The following KCND1 variants were observed in gnomAD, a reference collection of about 807,000 sequenced individuals.
The protein encoded by KCND1 is A-type voltage-gated potassium channel KCND1.
KCND1 carries 11 observed loss-of-function variants against 31.8 expected under a neutral mutation model. The ratio of observed to expected loss-of-function variants is 0.35; its 90% CI spans 0.22 to 0.57. KCND1 has a LOEUF of 0.57. Among genes scored for constraint, KCND1 ranks in the 20% least tolerant of loss-of-function variants. The probability of loss-of-function intolerance (pLI) is 0.85; values close to 1 mark genes in which losing one functional copy is unlikely to be tolerated. For synonymous variants in KCND1, 234 were observed against 248.1 expected, an observed-to-expected ratio of 0.94 and a Z score of 0.53; for missense variants, 471 against 596.8, an observed-to-expected ratio of 0.79 and a Z score of 2.20.
chrX:48,961,559 G>GGGAGGA lies in KCND1; in HGVS notation c.*1016_*1021dup, dbSNP rs1210552744. The stretch of plus-strand genomic sequence containing the variant: ...AGGAATATGTGAAAAGGAATTGTAG[G>GGGAGGA]GGAGGAGGAGGAGGAGAAGTTCCTC... On this transcript the variant is annotated 3_prime_UTR_variant, in exon 6 of 6. Coordinates refer to ENST00000218176, the MANE Select transcript of KCND1 (RefSeq NM_004979.6). 1 of 112,320 alleles carries GGGAGGA rather than the reference G, an allele frequency of 8.9e-6. No individual in the cohort carries two copies. The highest frequency in any genetic ancestry group is 3.2e-5 in the African/African-American group (1 of 30,942). 9.3% of individuals were successfully genotyped at this position (112,320 alleles called of 1,213,427 possible).
chrX:48,966,548 T>C, intron 4 of KCND1, 30 bp downstream of exon 4: 1 of 1,167,193 alleles, frequency 8.6e-7, no homozygotes. Flanking sequence ...CCCCCTCTAT[T>C]CTGCTATATC....
chrX:48,969,058 G>C (rs945432852), intron 1 of KCND1, 93 bp downstream of exon 1: 29 of 895,856 alleles, frequency 3.2e-5, no homozygotes, highest in Non-Finnish European at 4.3e-5. Flanking sequence ...CATTTAAAAA[G>C]AAAGAAAGAA....
rs782479699 is a variant in KCND1 at position 48,962,757 on chromosome X, C to T, written c.1768G>A (p.Asp590Asn). The change falls in exon 6 of 6, where the codon GAC becomes AAC. Residue 590 changes from aspartate (D) to asparagine (N), a missense_variant. Coordinates refer to ENST00000218176, the MANE Select transcript of KCND1 (RefSeq NM_004979.6). Reference protein sequence around the residue: ...KPHDSLDLNCDSRDFVAAIIS... With the variant: ...KPHDSLDLNCNSRDFVAAIIS... ...ATGGCAGCCACGAAGTCCCGGCTGT[C>T]GCAGTTCAGGTCAAGGCTGTCATGG... 1 of 1,210,796 alleles carries T rather than the reference C, an allele frequency of 8.3e-7. No homozygotes were observed. Among genetic ancestry groups the T allele is most frequent in the South Asian group, 1.8e-5 (1 of 56,820 alleles).
At chrX:48,967,157 T>C (rs1469600499) in intron 1 of KCND1, 51 bp from the exon 2 acceptor site, 5 of 1,057,467 alleles carry the variant, frequency 4.7e-6, no homozygotes, top group Non-Finnish European at 5.2e-6. Flanking sequence ...CACCTACCTT[T>C]CAGTCCCCCA....
rs1557058650 is a variant in KCND1 at position 48,969,918 on chromosome X, C to T, written c.354G>A (p.Leu118=). Residue 118 remains leucine, a synonymous_variant, in exon 1 of 6, where the codon CTG becomes CTA. Coordinates refer to ENST00000218176, the MANE Select transcript of KCND1 (RefSeq NM_004979.6). ...GCTCGGGAACCAGGCCGTAGAAAGCCAGCTCTTCGTCGAAGGCCTGGATGC... is the reference window on the plus strand; with the variant it reads ...GCTCGGGAACCAGGCCGTAGAAAGCTAGCTCTTCGTCGAAGGCCTGGATGC... ...QECIQAFDEE[L]AFYGLVPELV... The T allele has an allele frequency of 2.5e-6, 3 of 1,211,405 alleles. No homozygotes were observed. The highest frequency in any genetic ancestry group is 3.4e-6 in the Non-Finnish European group (3 of 895,288).
intron 1 of KCND1, among the ~76,000 whole-genome samples, chrX:48,968,872 G>A (rs1196093160): frequency 3.6e-5 from 4 of 111,544 alleles, no homozygotes; most frequent in African/African-American, 1.3e-4. Context: ...TGGCCAACGC[G>A]GTGAAACCCC....
At position 48,962,287 on chromosome X, in the gene KCND1, G is replaced by A. The variant is rs1375423960; in HGVS notation, c.*294C>T. ...AGCCCAAGGGGAGGAGCATGCAGGA[G>A]TCCAGCTGGGAGAGTGGGGCCAGTC... is the stretch of plus-strand genomic sequence containing the variant. On this transcript the variant is annotated 3_prime_UTR_variant, in exon 6 of 6. Transcript: ENST00000218176. 2 of 280,767 alleles carry A rather than the reference G, an allele frequency of 7.1e-6. No homozygotes were observed. The highest frequency in any genetic ancestry group is 5.4e-5 in the African/African-American group (2 of 36,854). The allele number at this position is 280,767 out of a possible 1,213,427, so 23.1% of individuals were successfully genotyped here. A position where few individuals can be genotyped will look rare whatever the true frequency, so the allele number is the denominator to read the frequency against.
At position 48,966,566 on chromosome X, in the gene KCND1, A is replaced by C. The variant is rs1557058045; in HGVS notation, c.1467+12T>G. 1 of 1,200,993 alleles carries C rather than the reference A, an allele frequency of 8.3e-7. No individual in the cohort carries two copies. Among genetic ancestry groups the C allele is most frequent in the Admixed American group, 2.2e-5 (1 of 45,802 alleles). On this transcript the variant is annotated intron_variant, in intron 4 of 5. Coordinates refer to ENST00000218176, the MANE Select transcript of KCND1 (RefSeq NM_004979.6). ...CCTCTATTCTGCTATATCACCTCAC[A>C]TTAGGCCTCACCGTTGTCTTCTCTA...
intron 5 of KCND1, 28 bp from the exon 6 acceptor site, chrX:48,962,834 G>A (rs2064330849): frequency 8.6e-7 from 1 of 1,165,622 alleles, no homozygotes; most frequent in African/African-American, 1.8e-5. Flanking sequence ...GAAGATGGAA[G>A]GCTCTTAAAA....
intron 5 of KCND1, among the ~76,000 whole-genome samples, chrX:48,965,011 G>A (rs1255480968): frequency 1.8e-4 from 3 of 16,936 alleles, no homozygotes; most frequent in Admixed American, 1.2e-3. Flanking sequence ...ACAAGACTCC[G>A]TCTAAAAAAA....
In KCND1 at chrX:48,969,321, G is replaced by A. The variant is rs782749393; in HGVS notation, c.951C>T (p.Tyr317=). The A allele has an allele frequency of 1.7e-6, 2 of 1,209,029 alleles. No individual in the cohort carries two copies. The highest frequency in any genetic ancestry group is 2.2e-6 in the Non-Finnish European group (2 of 894,636). Residue 317 remains tyrosine (Y), a synonymous_variant, in exon 1 of 6, where the codon TAC becomes TAT. Coordinates refer to ENST00000218176, the MANE Select transcript of KCND1 (RefSeq NM_004979.6). ...GCTCAGAGGCACAGCTCTTGAGTGTGTAGCCCAGAATCCTCAAGCCCTGTG... is the reference window on the plus strand; with the variant it reads ...GCTCAGAGGCACAGCTCTTGAGTGTATAGCCCAGAATCCTCAAGCCCTGTG... ...RHSQGLRILG[Y]TLKSCASELG...
rs782612449 is a variant in KCND1 at position 48,962,627 on chromosome X, C to T, written c.1898G>A (p.Gly633Asp). 8.3e-6 allele frequency: 10 copies of T among 1,207,816 alleles called. No individual in the cohort carries two copies. In the Admixed American group the frequency reaches 1.3e-4, roughly 16 times the overall value. ...AGSTLRNSSL[G>D]TPCLFPETVK... is the part of the protein sequence containing the mutation. ...AGTCTCGGGGAAGAGGCAAGGGGTA[C>T]CCAGGCTGGAGTTCCTGAGGGTGCT... The change falls in exon 6 of 6, where the codon GGT (glycine) becomes GAT (aspartate). Residue 633 changes from glycine (G) to aspartate (D), a missense_variant. Transcript: ENST00000218176.
At chrX:48,964,690 A>G (rs1318776441) in intron 5 of KCND1, among the ~76,000 whole-genome samples, 6 of 96,867 alleles carry the variant, frequency 6.2e-5, no homozygotes, top group African/African-American at 2.4e-4. Context: ...ACTGCACTCT[A>G]GCCTGGGCAA....
chrX:48,965,702 C>T (rs2064348512), intron 5 of KCND1, among the ~76,000 whole-genome samples: 1 of 110,570 alleles, frequency 9.0e-6, no homozygotes, highest in African/African-American at 3.3e-5. Context: ...ATGGCAAAAC[C>T]TCATCTCTAC....
In KCND1 at chrX:48,962,364, G is replaced by T; in HGVS notation, c.*217C>A. ...GGGCCTGTGGAAGCCCAGTGCTTCAGCTCCCACCAGGAAAAATGTCTGGGG... is the reference window on the plus strand; with the variant it reads ...GGGCCTGTGGAAGCCCAGTGCTTCATCTCCCACCAGGAAAAATGTCTGGGG... On this transcript the variant is annotated 3_prime_UTR_variant, in exon 6 of 6. Transcript: ENST00000218176. 2.4e-6 allele frequency: 1 copy of T among 414,629 alleles called. No homozygotes were observed. The allele number at this position is 414,629 out of a possible 1,213,427, so 34.2% of individuals were successfully genotyped here. A position where few individuals can be genotyped will look rare whatever the true frequency, so the allele number is the denominator to read the frequency against.
In KCND1 at chrX:48,970,220, C is replaced by T. The variant is rs1358870989; in HGVS notation, c.52G>A (p.Gly18Ser). Reference sequence around the variant, plus strand: ...GGTTGCTGGGCCAGGGGCAGCCAGCCCACTGCTGCTGCCCGAGCAAAAGGC... The same window carrying T: ...GGTTGCTGGGCCAGGGGCAGCCAGCTCACTGCTGCTGCCCGAGCAAAAGGC... Reference protein sequence around the residue: ...WLPFARAAAVGWLPLAQQPLP... With the variant: ...WLPFARAAAVSWLPLAQQPLP... The change falls in exon 1 of 6, where the codon GGC becomes AGC. Residue 18 changes from glycine (G) to serine (S), a missense_variant. Gly to Ser is a moderately conservative substitution (Grantham distance 56). Transcript: ENST00000218176. 1 of 1,204,728 alleles carries T rather than the reference C, an allele frequency of 8.3e-7. No homozygotes were observed. Among genetic ancestry groups the T allele is most frequent in the Non-Finnish European group, 1.1e-6 (1 of 892,604 alleles).
rs781895127 is a variant in KCND1 at position 48,966,252 on chromosome X, C to T, written c.1521G>A (p.Ser507=). 18 of 1,195,116 alleles carry T rather than the reference C, an allele frequency of 1.5e-5. No individual in the cohort carries two copies. The highest frequency in any genetic ancestry group is 7.3e-5 in the South Asian group (4 of 54,634). The change falls in exon 5 of 6, where the codon TCG becomes TCA. Residue 507 remains serine, a synonymous_variant. Transcript: ENST00000218176. ...TGCTACGGCTGGTGCGGCCACCCGG[C>T]GAGACGGCTCCCAGGGCTTCACTGA... ...LTFSEALGAV[S]PGGRTSRSTS... is the part of the protein sequence containing the mutation.
In KCND1 at chrX:48,970,546, A is replaced by G; in HGVS notation, c.-275T>C. On this transcript the variant is annotated 5_prime_UTR_variant, in exon 1 of 6. Transcript: ENST00000218176. The stretch of plus-strand genomic sequence containing the variant: ...AGAAGAGCAGAAAAGGGGTGTGGGG[A>G]TGGGGCCAAGAAGGAGCTGAGGGAG... 1 of 310,882 alleles carries G rather than the reference A, an allele frequency of 3.2e-6. No homozygotes were observed. Among genetic ancestry groups the G allele is most frequent in the Non-Finnish European group, 5.5e-6 (1 of 180,488 alleles). The allele number at this position is 310,882 out of a possible 1,213,427, so 25.6% of individuals were successfully genotyped here.
Position 48,969,216 on chromosome X carries a change from G to C in KCND1, c.1056C>G (p.Asn352Lys). The change falls in exon 1 of 6, where the codon AAC (asparagine) becomes AAG (lysine). Residue 352 changes from asparagine to lysine, a missense_variant. Physicochemically the swap from Asn to Lys is moderately conservative, Grantham distance 94 (BLOSUM62 0). This residue lies in a region of KCND1 where 74 missense variants were observed against 154.2 expected (regional missense o/e 0.48). Coordinates refer to ENST00000218176, the MANE Select transcript of KCND1 (RefSeq NM_004979.6). ...CAGGGATGCTTGTAAAGTTGGTCTT[G>C]TTTGTGCCCTTCTCAGCATAAAACA... ...TVMFYAEKGT[N>K]KTNFTSIPAA... 1 of 1,210,391 alleles carries C rather than the reference G, an allele frequency of 8.3e-7. No homozygotes were observed. Among genetic ancestry groups the C allele is most frequent in the Non-Finnish European group, 1.1e-6 (1 of 894,861 alleles).
Sources: allele counts gnomAD v4.1 joint callset (sites outside exome capture counted in the v4.1 genomes callset), GRCh38; gene constraint gnomAD v4.1.1; regional missense constraint gnomAD v4.1.1; transcripts MANE v1.5; gene names NCBI Gene and HGNC (gene_info 2026-07-23, HGNC 2026-07-21).